CLN3: variants seen among roughly 807,000 people sequenced by gnomAD.
CLN3 encodes CLN3 lysosomal/endosomal transmembrane protein, battenin.
A neutral mutation model predicts 60.7 loss-of-function variants in CLN3; 49 were observed. The observed-to-expected ratio is 0.81, with a 90% CI of 0.64 to 1.02. The LOEUF (loss-of-function observed/expected upper bound fraction) is 1.02. CLN3 is among the 50% of genes least tolerant of loss of function. The probability of loss-of-function intolerance (pLI) is 0.00; values close to 1 mark genes in which losing one functional copy is unlikely to be tolerated. For missense variants in CLN3, 516 were observed against 557.4 expected (o/e 0.93, Z 0.75); for synonymous variants, 256 against 245.8 (o/e 1.04, Z -0.39).
intron 9 of CLN3, among the ~76,000 whole-genome samples, chr16:28,486,128 G>A (rs2046211457): frequency 6.6e-6 from 1 of 152,008 alleles, no homozygotes; most frequent in South Asian, 2.1e-4. Flanking sequence ...CTCCTGAGTA[G>A]TTGGGACTAC....
intron 3 of CLN3, 21 bp downstream of exon 3, chr16:28,491,461 C>G: frequency 6.2e-7 from 1 of 1,612,232 alleles, no homozygotes; most frequent in Non-Finnish European, 8.5e-7. Flanking sequence ...TTGTCACTCG[C>G]TGAAGTCTCA....
At chr16:28,487,273 T>G (rs1395929448) in intron 7 of CLN3, 183 bp downstream of exon 7, 3 of 670,582 alleles carry the variant, frequency 4.5e-6, no homozygotes, top group Non-Finnish European at 8.2e-6. Flanking sequence ...TTCTCCCATC[T>G]CCTCCACTGC....
Position 28,482,317 on chromosome 16 carries a change from C to T in CLN3, c.962+10G>A, listed in dbSNP as rs1409669851. 1 of 1,613,314 alleles carries T rather than the reference C, an allele frequency of 6.2e-7. No individual in the cohort carries two copies. Among genetic ancestry groups the T allele is most frequent in the Non-Finnish European group, 8.5e-7 (1 of 1,179,752 alleles). On this transcript the variant is annotated intron_variant, in intron 13 of 15. Coordinates refer to ENST00000636147, the MANE Select transcript of CLN3 (RefSeq NM_001042432.2). ...GCGCCCTCCCAGCCCACTGCCCTCGCTCCTCTTACCAGCGGTATTGCTGAG... is the reference window on the plus strand; with the variant it reads ...GCGCCCTCCCAGCCCACTGCCCTCGTTCCTCTTACCAGCGGTATTGCTGAG...
intron 14 of CLN3, chr16:28,479,768 C>A: frequency 4.6e-6 from 1 of 216,608 alleles, no homozygotes; most frequent in Non-Finnish European, 9.8e-6. Context: ...GACTCCATCT[C>A]AAAAAACAAA....
At chr16:28,472,127 C>G (rs2045955185), downstream of CLN3, among the ~76,000 whole-genome samples, 2 of 152,168 alleles carry the variant, frequency 1.3e-5, no homozygotes, top group African/African-American at 4.8e-5. Flanking sequence ...TAAGAATAAA[C>G]CTGGGTCTGG....
Position 28,484,431 on chromosome 16 carries a change from C to T in CLN3, c.678-313G>A, listed in dbSNP as rs151182. ...TGGTGCAATCATAGCTCACTGCAGCCGCGACCTCCCAGGCTCAAGCAATCC... is the reference window on the plus strand; with the variant it reads ...TGGTGCAATCATAGCTCACTGCAGCTGCGACCTCCCAGGCTCAAGCAATCC... On this transcript the variant is annotated intron_variant, in intron 9 of 15. Coordinates refer to ENST00000636147, the MANE Select transcript of CLN3 (RefSeq NM_001042432.2). 0.34 allele frequency: 114,038 copies of T among 338,966 alleles called. 21,977 individuals carry two copies. Among genetic ancestry groups the T allele is most frequent in the Admixed American group, 0.42 (10,282 of 24,752 alleles). The allele number at this position is 338,966 out of a possible 1,614,324, so 21.0% of individuals were successfully genotyped here.
In CLN3 at chr16:28,487,728, G is replaced by A. The variant is rs760039703; in HGVS notation, c.308C>T (p.Ala103Val). The A allele has an allele frequency of 1.4e-5, 22 of 1,613,264 alleles. No homozygotes were observed. Among genetic ancestry groups the A allele is most frequent in the Admixed American group, 1.7e-5 (1 of 59,928 alleles). Residue 103 changes from alanine (A) to valine (V), a missense_variant, in exon 6 of 16, where the codon GCG becomes GTG. By Grantham distance (64) the Ala-to-Val change is moderately conservative. Transcript: ENST00000636147. Reference sequence around the variant, plus strand: ...GATGACGAGTGTGGGGAGGATGTCCGCCAGGAGCACAGCCTGGGACAGGAG... The same window carrying A: ...GATGACGAGTGTGGGGAGGATGTCCACCAGGAGCACAGCCTGGGACAGGAG... ...NSVSTAAVLL[A>V]DILPTLVIKL...
At chr16:28,485,571 CAAAA>C (rs67148714) in intron 9 of CLN3, among the ~76,000 whole-genome samples, 1 of 11,766 alleles carries the variant, frequency 8.5e-5, no homozygotes, top group Non-Finnish European at 1.3e-4. Context: ...GACTCCGTCT[CAAAA>C]AAAAAAAAAA....
At chr16:28,486,841 C>T (rs2046228399) in intron 7 of CLN3, 191 bp from the exon 8 acceptor site, 2 of 655,286 alleles carry the variant, frequency 3.1e-6, no homozygotes, top group Admixed American at 4.3e-5. Context: ...AGTGGCACCT[C>T]CATCCACCCA....
At chr16:28,472,215 C>A (rs1305389103), downstream of CLN3, among the ~76,000 whole-genome samples, 1 of 152,010 alleles carries the variant, frequency 6.6e-6, no homozygotes, top group East Asian at 1.9e-4. Flanking sequence ...GAGTTTGAGA[C>A]CAGACTGGGC....
At position 28,484,122 on chromosome 16, in the gene CLN3, G is replaced by C; in HGVS notation, c.678-4C>G. On this transcript the variant is annotated splice_polypyrimidine_tract_variant and splice_region_variant and intron_variant, in intron 9 of 15. Coordinates refer to ENST00000636147, the MANE Select transcript of CLN3 (RefSeq NM_001042432.2). The stretch of plus-strand genomic sequence containing the variant: ...AGATGTGAGCAACAAGAAATAGCTA[G>C]GAGTAGGATGAAGGCAGGGTCAGAA... The C allele has an allele frequency of 2.5e-6, 4 of 1,602,162 alleles. No homozygotes were observed. Among genetic ancestry groups the C allele is most frequent in the African/African-American group, 1.3e-5 (1 of 74,822 alleles).
intron 14 of CLN3, among the ~76,000 whole-genome samples, chr16:28,478,617 TAAAAAAAAAAAAAA>T (rs766238150): frequency 2.7e-5 from 2 of 74,354 alleles, no homozygotes; most frequent in Admixed American, 1.3e-4. Context: ...TCCTGTCTCA[TAAAAAAAAAAAAAA>T]AAAAAAAAAA....
intron 10 of CLN3, among the ~76,000 whole-genome samples, chr16:28,483,618 C>T (rs1414560155): frequency 6.6e-6 from 1 of 151,992 alleles, no homozygotes; most frequent in Non-Finnish European, 1.5e-5. Flanking sequence ...TTATCCCCAC[C>T]GCAGGGCCTC....
Position 28,491,509 on chromosome 16 carries a change from G to A in CLN3, c.98C>T (p.Ala33Val), listed in dbSNP as rs1227931688. 2 of 1,613,836 alleles carry A rather than the reference G, an allele frequency of 1.2e-6. No homozygotes were observed. Among genetic ancestry groups the A allele is most frequent in the Non-Finnish European group, 1.7e-6 (2 of 1,180,038 alleles). Residue 33 changes from alanine (A) to valine (V), a missense_variant, in exon 3 of 16, where the codon GCG (alanine) becomes GTG (valine). Coordinates refer to ENST00000636147, the MANE Select transcript of CLN3 (RefSeq NM_001042432.2). ...PRLPLLDHQG[A>V]HWKNAVGFWL... ...GAAGCCCACCGCGTTCTTCCAATGC[G>A]CGCCCTGATGGTCCAACAGAGGGAG...
downstream of CLN3, among the ~76,000 whole-genome samples, chr16:28,470,700 AC>A (rs1314473953): frequency 4.0e-5 from 6 of 150,202 alleles, no homozygotes; most frequent in Non-Finnish European, 9.0e-5. Context: ...GCTGTTGGGC[AC>A]CTGGAGGAGG....
rs542463265 is a variant in CLN3, at chr16:28,482,252, C to T, written c.963-54G>A. On this transcript the variant is annotated intron_variant, in intron 13 of 15. Transcript: ENST00000636147. ...AGGCTCCTCCAGGGACCATCCCGCT[C>T]CCCCCGGTGCCTACTGGGCAGGGCA... 15 of 1,598,388 alleles carry T rather than the reference C, an allele frequency of 9.4e-6. No homozygotes were observed. The Admixed American group carries it at 2.1e-4, about 22-fold the overall frequency.
intron 4 of CLN3, 63 bp downstream of exon 4, chr16:28,489,227 T>A (rs1476796071): frequency 3.3e-5 from 43 of 1,316,438 alleles, no homozygotes; most frequent in Non-Finnish European, 4.5e-5. Context: ...TACCCCACCT[T>A]GTCCCACCCC....
chr16:28,468,305 TCTTTA>T, the CLN3 span, among the ~76,000 whole-genome samples: 1 of 90,048 alleles, frequency 1.1e-5, no homozygotes, highest in African/African-American at 4.9e-5. Flanking sequence ...AGTTATCTTT[TCTTTA>T]AAGTTATTTA....
At chr16:28,477,676 C>A in intron 15 of CLN3, 41 bp from the exon 16 acceptor site, 1 of 1,614,088 alleles carries the variant, frequency 6.2e-7, no homozygotes, top group Non-Finnish European at 8.5e-7. Flanking sequence ...CAGTCCCAGA[C>A]ATCCCTGCCC....
Sources: gnomAD v4.1 joint callset for allele counts (sites outside exome capture counted in the v4.1 genomes callset) on GRCh38, gnomAD v4.1.1 for gene constraint, MANE v1.5 for transcripts, NCBI Gene and HGNC (gene_info 2026-07-23, HGNC 2026-07-21) for gene names.